Variants in GLT1D1 observed in about 807,000 individuals in gnomAD.
GLT1D1 encodes the protein glycosyltransferase 1 domain containing 1, also known as glycosyltransferase 1 domain-containing protein 1.
GLT1D1 carries 21 observed loss-of-function variants against 28.7 expected under a neutral mutation model. The ratio of observed to expected loss-of-function variants is 0.73; its 90% CI spans 0.52 to 1.05. The LOEUF is 1.05. Ranked by LOEUF, GLT1D1 falls within the 50% of genes least tolerant of loss-of-function variation. The pLI, the probability that GLT1D1 is intolerant of heterozygous loss-of-function variation, is 0.00. For synonymous variants in GLT1D1, 147 were observed against 124.8 expected (o/e 1.18, Z -1.19); for missense variants, 343 against 330.6 (o/e 1.04, Z -0.29).
rs148072073 is a variant in GLT1D1, at chr12:128,957,569, T to A, written c.565T>A (p.Leu189Met). The change falls in exon 7 of 8, where the codon TTG becomes ATG. Residue 189 changes from leucine to methionine, a missense_variant. Coordinates refer to ENST00000281703, the MANE Select transcript of GLT1D1 (RefSeq NM_144669.3). Reference sequence around the variant, plus strand: ...GGCAATGGATTTAGAAGTACCGGTATTGGCCAGGAACATCCCCGGGAATGC... The same window carrying A: ...GGCAATGGATTTAGAAGTACCGGTAATGGCCAGGAACATCCCCGGGAATGC... 2.0e-4 allele frequency: 330 copies of A among 1,613,308 alleles called. No individual in the cohort carries two copies. Among genetic ancestry groups the A allele is most frequent in the Non-Finnish European group, 2.5e-4 (299 of 1,179,476 alleles).
At chr12:128,874,493 TTTTTTTTGAGACAGGGTC>T (rs1297473358) in intron 1 of GLT1D1, among the ~76,000 whole-genome samples, 1 of 147,618 alleles carries the variant, frequency 6.8e-6, no homozygotes, top group East Asian at 2.0e-4. Context: ...TTTTTTTTTT[TTTTTTTTGAGACAGGGTC>T]TTGCTCTGTC....
At chr12:128,923,523 C>A (rs1443871069) in intron 4 of GLT1D1, among the ~76,000 whole-genome samples, 1 of 150,494 alleles carries the variant, frequency 6.6e-6, no homozygotes, top group African/African-American at 2.5e-5. Flanking sequence ...CACTTTTTTT[C>A]TTTTCTTTTT....
At chr12:128,927,721 G>A (rs1484267518) in intron 4 of GLT1D1, among the ~76,000 whole-genome samples, 1 of 151,886 alleles carries the variant, frequency 6.6e-6, no homozygotes, top group East Asian at 2.0e-4. Context: ...AGTCCGGCTG[G>A]GCGCACTGGC....
At chr12:128,855,746 CTT>C (rs34715979) in intron 1 of GLT1D1, among the ~76,000 whole-genome samples, 21,811 of 94,680 alleles carry the variant, frequency 0.23, 1,813 homozygotes, top group South Asian at 0.38. Context: ...TGCTGGTTGC[CTT>C]TTTTTTTTTT....
intron 1 of GLT1D1, among the ~76,000 whole-genome samples, chr12:128,865,161 G>T (rs149589160): frequency 2.0e-5 from 3 of 152,144 alleles, no homozygotes; most frequent in Admixed American, 6.5e-5. Context: ...TATCCTCTGC[G>T]CTGTGGGCCC....
At chr12:128,870,186 C>T (rs1400022114) in intron 1 of GLT1D1, among the ~76,000 whole-genome samples, 2 of 152,066 alleles carry the variant, frequency 1.3e-5, no homozygotes, top group African/African-American at 4.8e-5. Context: ...TACGGTCACT[C>T]CAGCCTGGGC....
intron 4 of GLT1D1, among the ~76,000 whole-genome samples, chr12:128,927,999 C>CAAAAAAAAAAAAAAAAAAAAAAAAAAAA (rs938188484): frequency 9.5e-5 from 4 of 42,250 alleles, no homozygotes; most frequent in African/African-American, 1.1e-4. Flanking sequence ...GACTCTGTCT[C>CAAAAAAAAAAAAAAAAAAAAAAAAAAAA]AAAAAAAAAA....
chr12:128,934,233 T>C (rs1874282505), intron 4 of GLT1D1, among the ~76,000 whole-genome samples: 1 of 144,698 alleles, frequency 6.9e-6, no homozygotes, highest in Non-Finnish European at 1.5e-5. Context: ...AGATGGAGTG[T>C]TGCTCTGTTG....
At chr12:128,946,312 CATT>C (rs1309755342) in intron 5 of GLT1D1, among the ~76,000 whole-genome samples, 1 of 152,130 alleles carries the variant, frequency 6.6e-6, no homozygotes, top group Non-Finnish European at 1.5e-5. Context: ...GCTTTTGTGA[CATT>C]ATCGTCTCTA....
intron 2 of GLT1D1, among the ~76,000 whole-genome samples, chr12:128,878,533 A>G (rs893404114): frequency 6.6e-6 from 1 of 152,152 alleles, no homozygotes; most frequent in African/African-American, 2.4e-5. Flanking sequence ...TGTTTTCTGT[A>G]TATGCGGAGA....
intron 4 of GLT1D1, among the ~76,000 whole-genome samples, chr12:128,940,335 A>C (rs576014075): frequency 6.6e-6 from 1 of 152,320 alleles, no homozygotes; most frequent in South Asian, 2.1e-4. Context: ...GGTCAGGCTG[A>C]ATGTGAATAC....
chr12:128,873,140 C>T (rs1956741926), intron 1 of GLT1D1, among the ~76,000 whole-genome samples: 1 of 152,182 alleles, frequency 6.6e-6, no homozygotes, highest in African/African-American at 2.4e-5. Flanking sequence ...AAATGATCCT[C>T]CGACCTCTGC....
At chr12:128,910,095 T>G (rs569169176) in intron 4 of GLT1D1, among the ~76,000 whole-genome samples, 1 of 152,314 alleles carries the variant, frequency 6.6e-6, no homozygotes, top group East Asian at 1.9e-4. Context: ...TACTGCAACT[T>G]TATTTCCTCT....
intron 4 of GLT1D1, 61 bp downstream of exon 8, chr12:128,927,215 T>A: frequency 8.1e-7 from 1 of 1,237,982 alleles, no homozygotes; most frequent in Non-Finnish European, 1.1e-6. Context: ...ACTTTTTATG[T>A]ATTTTCTACA....
At chr12:128,920,897 C>A (rs781196375) in intron 4 of GLT1D1, among the ~76,000 whole-genome samples, 1 of 152,190 alleles carries the variant, frequency 6.6e-6, no homozygotes, top group Non-Finnish European at 1.5e-5. Context: ...AAGGAGGAGA[C>A]AACATTTATT....
chr12:128,958,135 C>T (rs1219930774), intron 7 of GLT1D1, among the ~76,000 whole-genome samples: 7 of 152,178 alleles, frequency 4.6e-5, no homozygotes, highest in African/African-American at 1.7e-4. Context: ...TATCCAGTAA[C>T]TTCTGGGGCA....
At chr12:128,901,474 T>C (rs1157285857) in intron 4 of GLT1D1, among the ~76,000 whole-genome samples, 1 of 148,932 alleles carries the variant, frequency 6.7e-6, no homozygotes, top group Admixed American at 6.8e-5. Context: ...TCTCGCTCTG[T>C]CGCCCAGGCT....
intron 6 of GLT1D1, among the ~76,000 whole-genome samples, chr12:128,952,773 CTTTTTTTTT>C (rs71072430): frequency 5.6e-3 from 328 of 58,938 alleles, no homozygotes; most frequent in African/African-American, 0.024. Flanking sequence ...CCGTGACTGG[CTTTTTTTTT>C]TTTTTTTTTT....
At chr12:128,926,529 AG>A (rs1380061893) in intron 4 of GLT1D1, 75 bp downstream of exon 7, 3 of 748,820 alleles carry the variant, frequency 4.0e-6, no homozygotes, top group Non-Finnish European at 6.8e-6. Context: ...TTCTCTCTTC[AG>A]GGCCCTGAGT....
Sources: gnomAD v4.1 joint callset for allele counts (sites outside exome capture counted in the v4.1 genomes callset) on GRCh38, gnomAD v4.1.1 for gene constraint, MANE v1.5 for transcripts, NCBI Gene and HGNC (gene_info 2026-07-23, HGNC 2026-07-21) for gene names.